Variants in MAGI3 observed in about 807,000 individuals in gnomAD.
MAGI3 encodes the protein membrane associated guanylate kinase, WW and PDZ domain containing 3.
A neutral mutation model predicts 121.8 loss-of-function variants in MAGI3; 43 were observed. That is an observed-to-expected ratio of 0.35 (90% CI 0.28 to 0.46). The LOEUF is 0.46. Ranked by LOEUF, MAGI3 falls within the 20% of genes least tolerant of loss-of-function variation. The pLI, the probability that MAGI3 is intolerant of heterozygous loss-of-function variation, is 1.00. For synonymous variants in MAGI3, 553 were observed against 639.3 expected (o/e 0.86, Z 2.04); for missense variants, 1,547 against 1,797.3 (o/e 0.86, Z 2.52).
intron 1 of MAGI3, among the ~76,000 whole-genome samples, chr1:113,528,098 A>G (rs966111600): frequency 2.0e-5 from 3 of 152,150 alleles, no homozygotes; most frequent in Non-Finnish European, 1.5e-5. Context: ...CCACTATCAC[A>G]TCTAAGAAAA....
Position 113,398,187 on chromosome 1 carries a change from C to T in MAGI3, c.316+6838C>T, listed in dbSNP as rs924115471. On this transcript the variant is annotated intron_variant, in intron 1 of 20. Coordinates refer to ENST00000307546, the MANE Select transcript of MAGI3 (RefSeq NM_001142782.2). ...TTGAGGACCATAATTTGACTTATGA[C>T]ATATCTAAATACCTGAGAAAGGACA... Among the ~76,000 whole-genome samples the T allele has an allele frequency of 2.6e-5, 4 of 152,092 alleles. No homozygotes were observed. In the East Asian group the frequency reaches 7.7e-4, roughly 29 times the overall value.
intron 1 of MAGI3, among the ~76,000 whole-genome samples, chr1:113,517,616 C>T (rs1657992275): frequency 6.6e-6 from 1 of 151,900 alleles, no homozygotes; most frequent in South Asian, 2.1e-4. Flanking sequence ...TGTTTTTCTT[C>T]TCATTCTGGT....
At chr1:113,401,934 C>G (rs1280861955) in intron 1 of MAGI3, among the ~76,000 whole-genome samples, 1 of 152,102 alleles carries the variant, frequency 6.6e-6, no homozygotes, top group Admixed American at 6.6e-5. Flanking sequence ...ACCTCTTATT[C>G]TTTAAGTGTT....
chr1:113,670,561 A>G (rs1012555595), intron 16 of MAGI3, among the ~76,000 whole-genome samples: 3 of 152,230 alleles, frequency 2.0e-5, no homozygotes, highest in Admixed American at 6.5e-5. Context: ...TAACATTTTT[A>G]TAAAGCAAGG....
intron 1 of MAGI3, among the ~76,000 whole-genome samples, chr1:113,543,621 A>C (rs776028561): frequency 6.6e-6 from 1 of 152,128 alleles, no homozygotes; most frequent in Non-Finnish European, 1.5e-5. Flanking sequence ...CCCAGCCAGC[A>C]CTTTGGGAGT....
At chr1:113,460,268 A>T (rs1371578654) in intron 1 of MAGI3, among the ~76,000 whole-genome samples, 1 of 152,228 alleles carries the variant, frequency 6.6e-6, no homozygotes, top group Non-Finnish European at 1.5e-5. Flanking sequence ...GAAGGAACAT[A>T]CCTCAAAATA....
rs74599513 is a variant in MAGI3 at position 113,656,998 on chromosome 1, T to C, written c.2630-2082T>C. 6.6e-5 allele frequency among the ~76,000 whole-genome samples: 10 copies of C among 152,324 alleles called. No homozygotes were observed. In the East Asian group the frequency reaches 1.7e-3, roughly 26 times the overall value. ...AGTGTTATTCCTTCTTATCATGTAGTTTTCAGTTCTGGTTGCAAAGGATTT... is the reference window on the plus strand; with the variant it reads ...AGTGTTATTCCTTCTTATCATGTAGCTTTCAGTTCTGGTTGCAAAGGATTT... On this transcript the variant is annotated intron_variant, in intron 15 of 20. Coordinates refer to ENST00000307546, the MANE Select transcript of MAGI3 (RefSeq NM_001142782.2).
intron 16 of MAGI3, among the ~76,000 whole-genome samples, chr1:113,665,297 C>T (rs1023046658): frequency 1.8e-4 from 27 of 152,092 alleles, no homozygotes; most frequent in Admixed American, 9.8e-4. Context: ...TCAACTTCCC[C>T]TTTAAACATG....
chr1:113,434,847 AATCATACTGCTTTTTAGCAAGTTTAGT>A (rs1653484836), intron 1 of MAGI3, among the ~76,000 whole-genome samples: 1 of 152,224 alleles, frequency 6.6e-6, no homozygotes, highest in Non-Finnish European at 1.5e-5. Context: ...CAGTATTTTT[AATCATACTGCTTTTTAGCAAGTTTAGT>A]ATCATTCTGC....
At chr1:113,613,519 G>C (rs193197566) in intron 6 of MAGI3, among the ~76,000 whole-genome samples, 224 of 152,256 alleles carry the variant, frequency 1.5e-3, no homozygotes, top group African/African-American at 5.3e-3. Flanking sequence ...TACAAAGTTG[G>C]TATGTCATAA....
At chr1:113,442,378 A>G (rs1653959752) in intron 1 of MAGI3, among the ~76,000 whole-genome samples, 1 of 152,186 alleles carries the variant, frequency 6.6e-6, no homozygotes, top group Non-Finnish European at 1.5e-5. Flanking sequence ...CAGTGAACAC[A>G]GCATGGGGAA....
At chr1:113,670,003 CAAAA>C (rs11302295) in intron 16 of MAGI3, among the ~76,000 whole-genome samples, 1 of 85,234 alleles carries the variant, frequency 1.2e-5, no homozygotes. Flanking sequence ...TCCAGGTCTC[CAAAA>C]AAAAAAAAAA....
At chr1:113,540,849 C>G (rs1659260389) in intron 1 of MAGI3, among the ~76,000 whole-genome samples, 1 of 152,062 alleles carries the variant, frequency 6.6e-6, no homozygotes, top group Admixed American at 6.6e-5. Context: ...AAGTCCACAG[C>G]ATGATGGGTT....
chr1:113,549,014 T>C (rs913777879), intron 1 of MAGI3, among the ~76,000 whole-genome samples: 1 of 152,174 alleles, frequency 6.6e-6, no homozygotes, highest in African/African-American at 2.4e-5. Context: ...CCTTCTACAA[T>C]AGGGAAAATG....
At chr1:113,677,044 A>G (rs1479803842) in intron 19 of MAGI3, among the ~76,000 whole-genome samples, 3 of 152,202 alleles carry the variant, frequency 2.0e-5, no homozygotes, top group Non-Finnish European at 4.4e-5. Context: ...TAGTGTCATT[A>G]AGAAAACAAG....
At chr1:113,610,204 G>A (rs1650036312) in intron 6 of MAGI3, among the ~76,000 whole-genome samples, 5 of 152,190 alleles carry the variant, frequency 3.3e-5, no homozygotes, top group Middle Eastern at 3.4e-3. Context: ...CGCGATCTCG[G>A]CTCACTGCAA....
intron 1 of MAGI3, among the ~76,000 whole-genome samples, chr1:113,512,172 C>T (rs539407643): frequency 5.3e-5 from 8 of 152,214 alleles, no homozygotes; most frequent in East Asian, 1.9e-4. Flanking sequence ...TGCAGGACTA[C>T]GGGAGTCATA....
chr1:113,590,413 G>A, intron 4 of MAGI3, 71 bp from the exon 5 acceptor site: 1 of 1,489,566 alleles, frequency 6.7e-7, no homozygotes, highest in Non-Finnish European at 9.2e-7. Flanking sequence ...TTTTTAGAAA[G>A]GAAAGGTGCT....
chr1:113,420,435 T>G (rs1652680363), intron 1 of MAGI3, among the ~76,000 whole-genome samples: 1 of 152,208 alleles, frequency 6.6e-6, no homozygotes, highest in Non-Finnish European at 1.5e-5. Flanking sequence ...GGCTGTAGAT[T>G]TAGGAACCTA....
Sources: allele counts gnomAD v4.1 joint callset (sites outside exome capture counted in the v4.1 genomes callset), GRCh38; gene constraint gnomAD v4.1.1; transcripts MANE v1.5; gene names NCBI Gene and HGNC (gene_info 2026-07-23, HGNC 2026-07-21).